CACNA2D1: variants seen among roughly 807,000 people sequenced by gnomAD.
The protein encoded by CACNA2D1 is voltage-dependent calcium channel subunit alpha-2/delta-1.
In CACNA2D1, 53 loss-of-function variants were observed where a neutral mutation model predicts 171.5. That is an observed-to-expected ratio of 0.31 (90% confidence interval 0.25 to 0.39). The LOEUF (loss-of-function observed/expected upper bound fraction) is 0.39, where lower values mean the gene tolerates loss of function less well. Among genes scored for constraint, CACNA2D1 ranks in the 10% least tolerant of loss-of-function variants. The pLI is 1.00. For missense variants in CACNA2D1, 903 were observed against 1,299.8 expected (o/e 0.69, Z 4.69); for synonymous variants, 442 against 443.1 (o/e 1.00, Z 0.03).
intron 3 of CACNA2D1, among the ~76,000 whole-genome samples, chr7:82,292,462 T>C (rs951468115): frequency 5.3e-5 from 8 of 152,182 alleles, no homozygotes; most frequent in Non-Finnish European, 8.8e-5. Flanking sequence ...CTCCAGTAGC[T>C]TCCTGAGAAA....
chr7:82,362,411 C>T (rs1419619686), intron 1 of CACNA2D1, among the ~76,000 whole-genome samples: 1 of 152,140 alleles, frequency 6.6e-6, no homozygotes, highest in Non-Finnish European at 1.5e-5. Context: ...ACAGGCCTGA[C>T]AACCCTTATA....
chr7:82,025,040 A>G (rs1219410460), intron 12 of CACNA2D1, among the ~76,000 whole-genome samples: 4 of 151,616 alleles, frequency 2.6e-5, no homozygotes, highest in Non-Finnish European at 5.9e-5. Context: ...TTTGATTACC[A>G]GAAGCTTTGT....
intron 1 of CACNA2D1, among the ~76,000 whole-genome samples, chr7:82,400,495 T>C (rs1426872198): frequency 2.0e-5 from 3 of 152,014 alleles, no homozygotes; most frequent in East Asian, 3.9e-4. Flanking sequence ...GAAAACTGGC[T>C]AGCCATATGT....
At chr7:82,062,317 A>C (rs939611769) in intron 9 of CACNA2D1, among the ~76,000 whole-genome samples, 3 of 152,082 alleles carry the variant, frequency 2.0e-5, no homozygotes, top group African/African-American at 7.2e-5. Flanking sequence ...CCCCAGACTT[A>C]CCTGTGCAGC....
chr7:82,404,205 A>G (rs9649653), intron 1 of CACNA2D1, among the ~76,000 whole-genome samples: 7,129 of 152,246 alleles, frequency 0.047, 184 homozygotes, highest in Middle Eastern at 0.062. Flanking sequence ...AGCCAAAAGA[A>G]AGACAGGGAA....
intron 3 of CACNA2D1, among the ~76,000 whole-genome samples, chr7:82,270,685 A>G (rs183461254): frequency 3.0e-4 from 45 of 152,200 alleles, no homozygotes; most frequent in African/African-American, 1.0e-3. Context: ...TTTAAGTTCC[A>G]GTTTCTCCAT....
intron 3 of CACNA2D1, among the ~76,000 whole-genome samples, chr7:82,246,455 C>G (rs1804936333): frequency 6.6e-6 from 1 of 152,032 alleles, no homozygotes; most frequent in Non-Finnish European, 1.5e-5. Flanking sequence ...CATCATAGAA[C>G]ATTTTTGGAA....
At chr7:82,146,327 C>CGTGT (rs1198136888) in intron 4 of CACNA2D1, among the ~76,000 whole-genome samples, 2 of 109,804 alleles carry the variant, frequency 1.8e-5, no homozygotes, top group Admixed American at 9.4e-5. Context: ...TGTGTGTGTG[C>CGTGT]GTGTGTGTGT....
intron 7 of CACNA2D1, among the ~76,000 whole-genome samples, chr7:82,079,551 G>C (rs1166762588): frequency 6.6e-6 from 1 of 151,962 alleles, no homozygotes; most frequent in Non-Finnish European, 1.5e-5. Context: ...AATTAGCCAG[G>C]CATGGTGGCA....
At chr7:81,961,012 G>T (rs1794051054) in intron 36 of CACNA2D1, among the ~76,000 whole-genome samples, 1 of 151,764 alleles carries the variant, frequency 6.6e-6, no homozygotes, top group Non-Finnish European at 1.5e-5. Flanking sequence ...TTCATGATAG[G>T]TTGCTTAGCC....
chr7:82,112,254 T>C (rs1788559324), intron 6 of CACNA2D1, among the ~76,000 whole-genome samples: 1 of 152,166 alleles, frequency 6.6e-6, no homozygotes, highest in Non-Finnish European at 1.5e-5. Context: ...CAAAGAATAA[T>C]TTCACTCTTT....
intron 2 of CACNA2D1, among the ~76,000 whole-genome samples, chr7:82,340,737 G>C (rs1021503857): frequency 7.9e-5 from 12 of 152,138 alleles, no homozygotes; most frequent in Non-Finnish European, 2.9e-5. Flanking sequence ...ACAATTGTGT[G>C]AGGTTCTAAG....
intron 6 of CACNA2D1, among the ~76,000 whole-genome samples, chr7:82,111,095 A>C (rs1788319437): frequency 6.6e-6 from 1 of 151,786 alleles, no homozygotes; most frequent in African/African-American, 2.4e-5. Flanking sequence ...AGAACATTTA[A>C]TATTTTTCAT....
chr7:82,060,384 A>T, intron 10 of CACNA2D1, 44 bp downstream of exon 10: 1 of 1,299,660 alleles, frequency 7.7e-7, no homozygotes, highest in Non-Finnish European at 1.1e-6. Flanking sequence ...AGAAGATAGA[A>T]ATTGCAAATT....
intron 3 of CACNA2D1, among the ~76,000 whole-genome samples, chr7:82,299,923 C>T (rs1004611416): frequency 9.2e-5 from 14 of 152,084 alleles, no homozygotes; most frequent in African/African-American, 3.4e-4. Flanking sequence ...ATATCAGGAA[C>T]GATGTTAGGC....
intron 1 of CACNA2D1, among the ~76,000 whole-genome samples, chr7:82,387,613 C>T (rs576424175): frequency 1.4e-4 from 21 of 152,076 alleles, no homozygotes; most frequent in African/African-American, 3.1e-4. Context: ...TGAAAACACC[C>T]GATTTTATGA....
intron 4 of CACNA2D1, among the ~76,000 whole-genome samples, chr7:82,145,366 C>CATTATAT (rs959025014): frequency 2.1e-5 from 3 of 140,088 alleles, no homozygotes; most frequent in Non-Finnish European, 4.6e-5. Flanking sequence ...ATATATTACA[C>CATTATAT]ATTATATATT....
chr7:82,307,808 C>A (rs1813923482), intron 3 of CACNA2D1, among the ~76,000 whole-genome samples: 1 of 151,988 alleles, frequency 6.6e-6, no homozygotes, highest in South Asian at 2.1e-4. Flanking sequence ...TTGGTAGATA[C>A]CTTCTGTTTA....
intron 4 of CACNA2D1, among the ~76,000 whole-genome samples, chr7:82,168,300 C>T (rs889936869): frequency 2.6e-5 from 4 of 151,934 alleles, no homozygotes; most frequent in East Asian, 1.9e-4. Context: ...TGCACCACCA[C>T]GCACAGCTAA....
Sources: allele counts gnomAD v4.1 joint callset (sites outside exome capture counted in the v4.1 genomes callset), GRCh38; gene constraint gnomAD v4.1.1; transcripts MANE v1.5; gene names NCBI Gene and HGNC (gene_info 2026-07-23, HGNC 2026-07-21).